The following DNAH9 variants were observed in gnomAD, a reference collection of about 807,000 sequenced individuals.
DNAH9 encodes the protein DNAH9 variant protein.
A neutral mutation model predicts 471.6 loss-of-function variants in DNAH9; 345 were observed. That is an observed-to-expected ratio of 0.73 (90% CI 0.67 to 0.80). The LOEUF is 0.80. Among genes scored for constraint, DNAH9 ranks in the 30% least tolerant of loss-of-function variants. The probability of loss-of-function intolerance (pLI) is 0.00; values close to 1 mark genes in which losing one functional copy is unlikely to be tolerated. For missense variants in DNAH9, 5,407 were observed against 5,609.2 expected (o/e 0.96, Z 1.15); for synonymous variants, 2,093 against 2,123.6 (o/e 0.99, Z 0.40).
At chr17:11,912,891 G>T (rs1973833689) in intron 61 of DNAH9, among the ~76,000 whole-genome samples, 1 of 152,092 alleles carries the variant, frequency 6.6e-6, no homozygotes, top group Admixed American at 6.6e-5. Flanking sequence ...TTGTAGGCCA[G>T]GCACTGTGGC....
At chr17:11,895,998 T>C (rs1973205325) in intron 59 of DNAH9, among the ~76,000 whole-genome samples, 1 of 152,246 alleles carries the variant, frequency 6.6e-6, no homozygotes, top group Non-Finnish European at 1.5e-5. Context: ...GAGCCTGTAT[T>C]GCTTTAACCA....
At chr17:11,859,713 C>T (rs957643944) in intron 50 of DNAH9, among the ~76,000 whole-genome samples, 10 of 152,096 alleles carry the variant, frequency 6.6e-5, no homozygotes, top group Non-Finnish European at 1.3e-4. Flanking sequence ...TGTCATTTGG[C>T]AAGAGCGGGA....
rs762735261 is a variant in DNAH9, at chr17:11,891,821, T to C, written c.11157T>C (p.Pro3719=). The C allele has an allele frequency of 1.2e-6, 2 of 1,614,012 alleles. No individual in the cohort carries two copies. Among genetic ancestry groups the C allele is most frequent in the Non-Finnish European group, 1.7e-6 (2 of 1,180,020 alleles). Reference sequence around the variant, plus strand: ...AGAAGGCTGTGGAGAGGGCTGCTCCTGACGAAAGCCTCAGGGAGCGGGTGG... The same window carrying C: ...AGAAGGCTGTGGAGAGGGCTGCTCCCGACGAAAGCCTCAGGGAGCGGGTGG... ...VFQKAVERAA[P]DESLRERVAN... Residue 3719 remains proline (P), a synonymous_variant, in exon 58 of 69, where the codon CCT becomes CCC. Coordinates refer to ENST00000262442, the MANE Select transcript of DNAH9 (RefSeq NM_001372.4).
intron 6 of DNAH9, among the ~76,000 whole-genome samples, chr17:11,625,327 T>C (rs1207168324): frequency 6.6e-6 from 1 of 152,194 alleles, no homozygotes; most frequent in Non-Finnish European, 1.5e-5. Flanking sequence ...TGACCTAATA[T>C]CCACACCGCG....
intron 52 of DNAH9, 66 bp downstream of exon 52, chr17:11,871,852 T>C: frequency 6.5e-7 from 1 of 1,545,246 alleles, no homozygotes; most frequent in South Asian, 1.2e-5. Context: ...GACATCACGG[T>C]CATAATTCGC....
At chr17:11,738,699 G>T (rs1372626737) in intron 28 of DNAH9, among the ~76,000 whole-genome samples, 181 bp from the exon 29 acceptor site, 1 of 152,116 alleles carries the variant, frequency 6.6e-6, no homozygotes, top group Non-Finnish European at 1.5e-5. Flanking sequence ...ATTTCTTTTA[G>T]ACATGCAACC....
In DNAH9 at chr17:11,619,842, C is replaced by T. The variant is rs945750464; in HGVS notation, c.1350+61C>T. On this transcript the variant is annotated intron_variant, in intron 6 of 68. Coordinates refer to ENST00000262442, the MANE Select transcript of DNAH9 (RefSeq NM_001372.4). ...GACAGAAAGAAGCAGTCCAGGGGTC[C>T]AAAAAGTGGAATAGGAAAATGCACA... is the stretch of plus-strand genomic sequence containing the variant. The T allele has an allele frequency of 4.2e-6, 4 of 943,578 alleles. No individual in the cohort carries two copies. In the Admixed American group the frequency reaches 5.7e-5, roughly 13 times the overall value. 58.5% of individuals were successfully genotyped at this position (943,578 alleles called of 1,614,324 possible).
At chr17:11,756,739 C>A (rs1258698231) in intron 34 of DNAH9, 63 bp downstream of exon 34, 8 of 1,057,270 alleles carry the variant, frequency 7.6e-6, no homozygotes, top group Admixed American at 1.8e-5. Context: ...TCTGGCTTCA[C>A]ACGTAGTTTT....
At position 11,669,316 on chromosome 17, in the gene DNAH9, G is replaced by T. The variant is rs561957044; in HGVS notation, c.2929-54G>T. The T allele has an allele frequency of 2.5e-6, 4 of 1,594,884 alleles. No homozygotes were observed. The African/African-American group carries it at 4.0e-5, about 16-fold the overall frequency. On this transcript the variant is annotated intron_variant, in intron 16 of 68. Coordinates refer to ENST00000262442, the MANE Select transcript of DNAH9 (RefSeq NM_001372.4). Reference sequence around the variant, plus strand: ...ACTGTGTCCCGTCCAGCCGAATCTCGAACTTCCTGCCACACACTGGTGTAA... The same window carrying T: ...ACTGTGTCCCGTCCAGCCGAATCTCTAACTTCCTGCCACACACTGGTGTAA...
chr17:11,676,194 T>G (rs1365201456), intron 17 of DNAH9, among the ~76,000 whole-genome samples: 1 of 151,992 alleles, frequency 6.6e-6, no homozygotes, highest in African/African-American at 2.4e-5. Flanking sequence ...ATCTTCAAAT[T>G]ATTATTATAA....
intron 24 of DNAH9, among the ~76,000 whole-genome samples, chr17:11,701,527 C>A (rs1186988859): frequency 6.6e-6 from 1 of 152,204 alleles, no homozygotes; most frequent in Non-Finnish European, 1.5e-5. Context: ...TTTGAGCCAG[C>A]CTACTTTCTA....
rs866851408 is a variant in DNAH9 at position 11,679,815 on chromosome 17, G to A, written c.3412G>A (p.Glu1138Lys). The change falls in exon 18 of 69, where the codon GAA becomes AAA. Residue 1138 changes from glutamate (E) to lysine (K), a missense_variant. By Grantham distance (56) the Glu-to-Lys change is moderately conservative. Coordinates refer to ENST00000262442, the MANE Select transcript of DNAH9 (RefSeq NM_001372.4). ...KSESGLLKKV[E>K]KGDFQGLVEI... is the part of the protein sequence containing the mutation. ...TGAGAGCGGCTTACTCAAGAAAGTT[G>A]AAAAAGGAGATTTCCAAGGCTTGGT... The A allele has an allele frequency of 1.8e-5, 29 of 1,613,974 alleles. No homozygotes were observed. The highest frequency in any genetic ancestry group is 2.4e-5 in the Non-Finnish European group (28 of 1,180,004).
intron 49 of DNAH9, among the ~76,000 whole-genome samples, chr17:11,850,989 G>C (rs1043815437): frequency 6.6e-6 from 1 of 152,188 alleles, no homozygotes; most frequent in Admixed American, 6.5e-5. Context: ...AATCATTTCA[G>C]GTTCTCTGAA....
Position 11,768,529 on chromosome 17 carries a change from C to A in DNAH9, c.7247C>A (p.Thr2416Asn). 10 of 1,614,196 alleles carry A rather than the reference C, an allele frequency of 6.2e-6. No homozygotes were observed. The highest frequency in any genetic ancestry group is 8.5e-6 in the Non-Finnish European group (10 of 1,180,028). Residue 2416 changes from threonine (T) to asparagine (N), a missense_variant, in exon 37 of 69, where the codon ACC becomes AAC. Transcript: ENST00000262442. ...ACAGTCAAGTTTCCTTCCCAAGGAA[C>A]CATCTTTGACTATTACATCGACCCA... Reference protein sequence around the residue: ...FKTVKFPSQGTIFDYYIDPET... With the variant: ...FKTVKFPSQGNIFDYYIDPET...
rs2150741772 is a variant in DNAH9 at position 11,680,827 on chromosome 17, C to T, written c.3681C>T (p.Cys1227=). The T allele has an allele frequency of 6.2e-7, 1 of 1,613,856 alleles. No homozygotes were observed. The highest frequency in any genetic ancestry group is 1.1e-5 in the South Asian group (1 of 90,982). ...AAGTGACACTCCTCCGCCAGAGGTGCACAGCCTTCGATGCAGAACAGCAGC... is the reference window on the plus strand; with the variant it reads ...AAGTGACACTCCTCCGCCAGAGGTGTACAGCCTTCGATGCAGAACAGCAGC... ...ANEVTLLRQR[C]TAFDAEQQQF... Residue 1227 remains cysteine, a synonymous_variant, in exon 19 of 69, where the codon TGC becomes TGT. Transcript: ENST00000262442.
chr17:11,732,958 G>C (rs1162747605), intron 28 of DNAH9, among the ~76,000 whole-genome samples: 1 of 152,170 alleles, frequency 6.6e-6, no homozygotes, highest in East Asian at 1.9e-4. Context: ...AGTACTCCAG[G>C]CACCAAACAA....
intron 33 of DNAH9, among the ~76,000 whole-genome samples, chr17:11,754,490 G>A (rs1967293130): frequency 6.6e-6 from 1 of 152,132 alleles, no homozygotes; most frequent in African/African-American, 2.4e-5. Context: ...ACCAGCCTCT[G>A]TTCTTTTATT....
At chr17:11,772,023 C>T (rs1003220310) in intron 38 of DNAH9, among the ~76,000 whole-genome samples, 15 of 152,120 alleles carry the variant, frequency 9.9e-5, no homozygotes, top group Non-Finnish European at 4.4e-5. Flanking sequence ...GGTTTGACCC[C>T]AGAGAGTCTG....
At chr17:11,929,113 C>T (rs896242054) in intron 62 of DNAH9, among the ~76,000 whole-genome samples, 6 of 147,240 alleles carry the variant, frequency 4.1e-5, no homozygotes, top group African/African-American at 1.5e-4. Flanking sequence ...TGGCTCACTG[C>T]AAGCTCCGAC....
Sources: allele counts gnomAD v4.1 joint callset (sites outside exome capture counted in the v4.1 genomes callset), GRCh38; gene constraint gnomAD v4.1.1; transcripts MANE v1.5; gene names NCBI Gene and HGNC (gene_info 2026-07-23, HGNC 2026-07-21).